ROBO2: variants seen among roughly 807,000 people sequenced by gnomAD.
The protein encoded by ROBO2 is roundabout homolog 2.
In ROBO2, 53 loss-of-function variants were observed where a neutral mutation model predicts 160.8. The ratio of observed to expected loss-of-function variants is 0.33; its 90% CI spans 0.26 to 0.41. The LOEUF is 0.41. ROBO2 is among the 10% of genes least tolerant of loss of function. ROBO2 has a pLI of 1.00. For missense variants in ROBO2, 1,577 were observed against 1,722.4 expected, an observed-to-expected ratio of 0.92 and a Z score of 1.49; for synonymous variants, 664 against 611.7, an observed-to-expected ratio of 1.09 and a Z score of -1.26.
chr3:77,324,456 G>A (rs1033073703), intron 2 of ROBO2, among the ~76,000 whole-genome samples: 3 of 152,082 alleles, frequency 2.0e-5, no homozygotes, highest in Non-Finnish European at 4.4e-5. Flanking sequence ...TCCAGTTGTA[G>A]GGAAAGTAGA....
chr3:77,331,605 G>T (rs2065969569), intron 2 of ROBO2, among the ~76,000 whole-genome samples: 1 of 152,046 alleles, frequency 6.6e-6, no homozygotes, highest in African/African-American at 2.4e-5. Context: ...ATTTTCTTAA[G>T]ATTCAAAGAA....
chr3:77,446,535 C>T (rs1279841596), intron 2 of ROBO2, among the ~76,000 whole-genome samples: 2 of 151,940 alleles, frequency 1.3e-5, no homozygotes, highest in East Asian at 3.8e-4. Context: ...TTGTCATATC[C>T]CTTAAGGATA....
chr3:76,275,923 G>C (rs1304955186), intron 2 of ROBO2, among the ~76,000 whole-genome samples: 1 of 151,926 alleles, frequency 6.6e-6, no homozygotes, highest in East Asian at 1.9e-4. Flanking sequence ...AGAACTCGGA[G>C]GGGGGGAGCA....
chr3:76,425,094 C>T (rs1210750554), intron 2 of ROBO2, among the ~76,000 whole-genome samples: 1 of 152,140 alleles, frequency 6.6e-6, no homozygotes, highest in East Asian at 1.9e-4. Flanking sequence ...ACTCCATAAC[C>T]CAGCCACATG....
chr3:76,812,969 CACTT>C (rs1277930458), intron 2 of ROBO2, among the ~76,000 whole-genome samples: 1 of 123,300 alleles, frequency 8.1e-6, no homozygotes, highest in African/African-American at 3.1e-5. Context: ...ATCAAAAAGA[CACTT>C]GCTTAGGAGA....
chr3:77,224,221 G>A (rs886259951), intron 2 of ROBO2, among the ~76,000 whole-genome samples: 1 of 151,924 alleles, frequency 6.6e-6, no homozygotes, highest in Non-Finnish European at 1.5e-5. Flanking sequence ...AAAGTAAAAG[G>A]AGTTTTTGAA....
chr3:77,211,542 G>T (rs187924561), intron 2 of ROBO2, among the ~76,000 whole-genome samples: 1 of 151,924 alleles, frequency 6.6e-6, no homozygotes, highest in Non-Finnish European at 1.5e-5. Context: ...CACTCTGATG[G>T]TAGTTCCTTT....
intron 1 of ROBO2, among the ~76,000 whole-genome samples, chr3:75,908,760 G>C (rs2106703549): frequency 6.6e-6 from 1 of 152,210 alleles, no homozygotes; most frequent in East Asian, 1.9e-4. Flanking sequence ...ATATTTAGAT[G>C]CTCCTAACTT....
At chr3:76,743,423 A>T (rs2093834629) in intron 2 of ROBO2, among the ~76,000 whole-genome samples, 1 of 152,160 alleles carries the variant, frequency 6.6e-6, no homozygotes. Flanking sequence ...ATTCCCATTA[A>T]CAAACCTGTA....
At chr3:77,571,389 C>G (rs1027414708) in intron 13 of ROBO2, among the ~76,000 whole-genome samples, 1 of 152,038 alleles carries the variant, frequency 6.6e-6, no homozygotes, top group Non-Finnish European at 1.5e-5. Context: ...CTGTTGCTTC[C>G]TTAACAATTA....
rs550075453 is a variant in ROBO2 at position 76,108,195 on chromosome 3, G to A, written c.109+170593G>A. On this transcript the variant is annotated intron_variant, in intron 2 of 26. Transcript: ENST00000487694. ...ACTGCGATGCTAATCATCTTCCTGC[G>A]TATGAGTTTAGGATCTGATAGTTTG... Among the ~76,000 whole-genome samples, 76 of 152,084 alleles carry A rather than the reference G, an allele frequency of 5.0e-4. No individual in the cohort carries two copies. In the South Asian group the frequency reaches 7.9e-3, roughly 16 times the overall value.
intron 2 of ROBO2, among the ~76,000 whole-genome samples, chr3:77,011,057 C>T (rs868572863): frequency 9.6e-6 from 1 of 103,712 alleles, no homozygotes; most frequent in African/African-American, 5.0e-5. Flanking sequence ...TTTCTTTCTT[C>T]TTTCTTTCTT....
chr3:76,714,300 C>T (rs1260031110), intron 2 of ROBO2, among the ~76,000 whole-genome samples: 1 of 151,962 alleles, frequency 6.6e-6, no homozygotes, highest in African/African-American at 2.4e-5. Flanking sequence ...GGTCTTTGCT[C>T]CAAGAGTTAA....
chr3:76,703,868 G>A (rs1164008788), intron 2 of ROBO2, among the ~76,000 whole-genome samples: 1 of 151,960 alleles, frequency 6.6e-6, no homozygotes, highest in African/African-American at 2.4e-5. Flanking sequence ...TAATCCTTTG[G>A]GTATAAACCC....
chr3:77,343,251 C>T (rs1339411820), intron 2 of ROBO2, among the ~76,000 whole-genome samples: 1 of 152,092 alleles, frequency 6.6e-6, no homozygotes, highest in African/African-American at 2.4e-5. Flanking sequence ...GTACCTTTGA[C>T]ACAAATTGAG....
chr3:76,099,837 G>A (rs1362892906), intron 2 of ROBO2, among the ~76,000 whole-genome samples: 1 of 152,186 alleles, frequency 6.6e-6, no homozygotes, highest in Non-Finnish European at 1.5e-5. Context: ...CTAACGGCAA[G>A]TGCAGAAATT....
chr3:76,356,504 GT>G (rs2108337690), intron 2 of ROBO2, among the ~76,000 whole-genome samples: 1 of 151,636 alleles, frequency 6.6e-6, no homozygotes, highest in East Asian at 2.0e-4. Flanking sequence ...TAAGAAAGCT[GT>G]TGCAGGTATA....
At chr3:76,657,620 A>G (rs919717844) in intron 2 of ROBO2, among the ~76,000 whole-genome samples, 1 of 90,238 alleles carries the variant, frequency 1.1e-5, no homozygotes, top group Non-Finnish European at 2.2e-5. Context: ...ATTCATATAT[A>G]TGTGTATATA....
chr3:76,086,515 T>G (rs943409978), intron 2 of ROBO2, among the ~76,000 whole-genome samples: 2 of 152,126 alleles, frequency 1.3e-5, no homozygotes, highest in Non-Finnish European at 2.9e-5. Flanking sequence ...GTAAAGTTCA[T>G]AGTCCGAAGT....
Sources: gnomAD v4.1 joint callset for allele counts (sites outside exome capture counted in the v4.1 genomes callset) on GRCh38, gnomAD v4.1.1 for gene constraint, MANE v1.5 for transcripts, NCBI Gene and HGNC (gene_info 2026-07-23, HGNC 2026-07-21) for gene names.